The following DENND1B variants were observed in gnomAD, a reference collection of about 807,000 sequenced individuals.
DENND1B encodes DENN domain-containing protein 1B.
DENND1B carries 59 observed loss-of-function variants against 90.1 expected under a neutral mutation model. The observed-to-expected ratio is 0.65, with a 90% CI of 0.53 to 0.81. The LOEUF is 0.81. DENND1B is among the 40% of genes least tolerant of loss of function. The pLI, the probability that DENND1B is intolerant of heterozygous loss-of-function variation, is 0.00. For synonymous variants in DENND1B, 337 were observed against 324.6 expected (o/e 1.04, Z -0.41); for missense variants, 862 against 912.6 (o/e 0.94, Z 0.71).
At chr1:197,543,020 C>T (rs1458256076) in intron 18 of DENND1B, among the ~76,000 whole-genome samples, 1 of 151,998 alleles carries the variant, frequency 6.6e-6, no homozygotes, top group African/African-American at 2.4e-5. Context: ...CTGCAACCTC[C>T]ACCTCCCAGG....
chr1:197,644,788 C>T (rs1431940753), intron 9 of DENND1B, among the ~76,000 whole-genome samples: 1 of 152,178 alleles, frequency 6.6e-6, no homozygotes, highest in African/African-American at 2.4e-5. Flanking sequence ...TCACTACCTA[C>T]ATGCTTTTGG....
chr1:197,721,069 T>TG, intron 2 of DENND1B, among the ~76,000 whole-genome samples: 1 of 140,452 alleles, frequency 7.1e-6, no homozygotes, highest in Non-Finnish European at 1.5e-5. Context: ...AACGGCATTT[T>TG]TTTTTTTTTT....
rs1380580537 is a variant in DENND1B, at chr1:197,775,435, G to C, written c.-280C>G. The stretch of plus-strand genomic sequence containing the variant: ...CCGCCACCAAAGCTGAGGCCTCTCA[G>C]TTCCTGCGACCGGGGCCGCCCGCTG... On this transcript the variant is annotated 5_prime_UTR_variant, in exon 1 of 23. Coordinates refer to ENST00000620048, the MANE Select transcript of DENND1B (RefSeq NM_001195215.2). The C allele has an allele frequency of 3.3e-6, 1 of 300,952 alleles. No individual in the cohort carries two copies. The highest frequency in any genetic ancestry group is 6.1e-6 in the Non-Finnish European group (1 of 163,572). 18.6% of individuals were successfully genotyped at this position (300,952 alleles called of 1,614,324 possible).
intron 2 of DENND1B, among the ~76,000 whole-genome samples, chr1:197,764,052 C>T (rs536704438): frequency 6.6e-6 from 1 of 152,198 alleles, no homozygotes; most frequent in African/African-American, 2.4e-5. Flanking sequence ...TAGAATCAGT[C>T]AGGGGTTTTC....
chr1:197,561,360 C>T (rs1003545463), intron 15 of DENND1B, among the ~76,000 whole-genome samples: 4 of 151,894 alleles, frequency 2.6e-5, no homozygotes, highest in African/African-American at 7.2e-5. Flanking sequence ...GTTGATCCCT[C>T]CCTCTTTGGT....
chr1:197,572,276 G>A, intron 15 of DENND1B, among the ~76,000 whole-genome samples: 1 of 152,136 alleles, frequency 6.6e-6, no homozygotes, highest in East Asian at 1.9e-4. Context: ...TCTGTGCCTG[G>A]CTCAGTGGGT....
chr1:197,646,076 T>C (rs551468293), intron 8 of DENND1B, among the ~76,000 whole-genome samples: 26 of 152,012 alleles, frequency 1.7e-4, no homozygotes, highest in Non-Finnish European at 3.8e-4. Context: ...TGTGTATATA[T>C]ACAGTATATA....
intron 2 of DENND1B, among the ~76,000 whole-genome samples, chr1:197,771,077 A>G (rs1656536776): frequency 6.6e-6 from 1 of 151,344 alleles, no homozygotes; most frequent in Admixed American, 6.6e-5. Flanking sequence ...ATGCCTGCAT[A>G]ATTTTGGTAT....
At chr1:197,681,906 C>T (rs182721063) in intron 3 of DENND1B, among the ~76,000 whole-genome samples, 11 of 152,240 alleles carry the variant, frequency 7.2e-5, no homozygotes, top group Admixed American at 7.2e-4. Context: ...ACAGATGGAA[C>T]ATAGTGATAA....
At chr1:197,743,759 G>C (rs933952126) in intron 2 of DENND1B, among the ~76,000 whole-genome samples, 1 of 152,168 alleles carries the variant, frequency 6.6e-6, no homozygotes, top group Non-Finnish European at 1.5e-5. Flanking sequence ...GAGGCAGTAG[G>C]ACTGCTTGAG....
At chr1:197,672,986 G>A (rs1002286578) in intron 4 of DENND1B, among the ~76,000 whole-genome samples, 2 of 151,812 alleles carry the variant, frequency 1.3e-5, no homozygotes, top group South Asian at 2.1e-4. Flanking sequence ...TATCCATGAC[G>A]CCTACACTTT....
intron 12 of DENND1B, among the ~76,000 whole-genome samples, chr1:197,611,458 C>T (rs939373442): frequency 6.6e-6 from 1 of 150,654 alleles, no homozygotes; most frequent in Admixed American, 6.6e-5. Flanking sequence ...AAACTTAAGG[C>T]TATATTCTAA....
intron 20 of DENND1B, among the ~76,000 whole-genome samples, chr1:197,535,831 C>T: frequency 6.6e-6 from 1 of 152,114 alleles, no homozygotes. Flanking sequence ...TTACATTCTT[C>T]CTTAAGGAAC....
chr1:197,612,751 T>C (rs923235068), intron 11 of DENND1B, among the ~76,000 whole-genome samples: 1 of 150,704 alleles, frequency 6.6e-6, no homozygotes, highest in Non-Finnish European at 1.5e-5. Context: ...GGGTAGAAAC[T>C]TGGGAACAAT....
intron 14 of DENND1B, among the ~76,000 whole-genome samples, chr1:197,592,299 G>C (rs539861912): frequency 6.6e-6 from 1 of 152,010 alleles, no homozygotes; most frequent in South Asian, 2.1e-4. Context: ...AAAATATAAA[G>C]AGTAATATTT....
At chr1:197,735,697 A>AC (rs757011483) in intron 2 of DENND1B, 2 of 1,614,070 alleles carry the variant, frequency 1.2e-6, no homozygotes, top group Admixed American at 3.3e-5. Flanking sequence ...GGGAGGCGCT[A>AC]CGCCAGGACC....
In DENND1B at chr1:197,511,861, T is replaced by G; in HGVS notation, c.1682A>C (p.Tyr561Ser). The G allele has an allele frequency of 5.6e-6, 9 of 1,611,478 alleles. No individual in the cohort carries two copies. Among genetic ancestry groups the G allele is most frequent in the Non-Finnish European group, 7.6e-6 (9 of 1,178,290 alleles). The change falls in exon 22 of 23, where the codon TAC becomes TCC. Residue 561 changes from tyrosine to serine, a missense_variant. Coordinates refer to ENST00000620048, the MANE Select transcript of DENND1B (RefSeq NM_001195215.2). ...TCCTAGTAAGTCCATTTCACCTGAG[T>G]AAGGAGTCTTCACTCTTGTTTCAAC... ...DSVETRVKTP[Y>S]SGEMDLLGEI... is the part of the protein sequence containing the mutation.
At chr1:197,583,055 A>C in intron 15 of DENND1B, 97 bp downstream of exon 15, 1 of 1,093,548 alleles carries the variant, frequency 9.1e-7, no homozygotes, top group Non-Finnish European at 1.4e-6. Flanking sequence ...TCTAGAAAAG[A>C]TGCTACTCAG....
intron 5 of DENND1B, among the ~76,000 whole-genome samples, chr1:197,662,702 T>C (rs1279774482): frequency 6.6e-6 from 1 of 152,078 alleles, no homozygotes; most frequent in Non-Finnish European, 1.5e-5. Flanking sequence ...TATCTGCTAA[T>C]GTACAGTGAG....
Sources: gnomAD v4.1 joint callset for allele counts (sites outside exome capture counted in the v4.1 genomes callset) on GRCh38, gnomAD v4.1.1 for gene constraint, MANE v1.5 for transcripts, NCBI Gene and HGNC (gene_info 2026-07-23, HGNC 2026-07-21) for gene names.